WDFY3: variants seen among roughly 807,000 people sequenced by gnomAD.
WDFY3 encodes the protein WD repeat and FYVE domain containing 3.
In WDFY3, 66 loss-of-function variants were observed where a neutral mutation model predicts 409.6. That is an observed-to-expected ratio of 0.16 (90% CI 0.13 to 0.20). WDFY3 has a LOEUF of 0.20. WDFY3 is among the 10% of genes least tolerant of loss of function. WDFY3 has a pLI of 1.00. For synonymous variants in WDFY3, 1,521 were observed against 1,537.1 expected (o/e 0.99, Z 0.25); for missense variants, 3,031 against 4,298.1 (o/e 0.71, Z 8.24).
chr4:84,941,697 A>G (rs1253950487), intron 1 of WDFY3, among the ~76,000 whole-genome samples: 2 of 152,050 alleles, frequency 1.3e-5, no homozygotes, highest in Admixed American at 1.3e-4. Flanking sequence ...AATTTACACA[A>G]AAAAGAAATC....
At chr4:84,822,195 A>G (rs571637046) in intron 10 of WDFY3, among the ~76,000 whole-genome samples, 53 of 152,328 alleles carry the variant, frequency 3.5e-4, no homozygotes, top group African/African-American at 1.3e-3. Flanking sequence ...CAAATTAGTG[A>G]CAATAATTAT....
intron 2 of WDFY3, among the ~76,000 whole-genome samples, chr4:84,908,920 C>A (rs190430417): frequency 1.3e-5 from 2 of 152,012 alleles, no homozygotes; most frequent in Non-Finnish European, 2.9e-5. Flanking sequence ...AACATCTATT[C>A]CTAGCACTAA....
At position 84,775,149 on chromosome 4, in the gene WDFY3, T is replaced by C. The variant is rs533081069; in HGVS notation, c.4519-11A>G. On this transcript the variant is annotated splice_polypyrimidine_tract_variant and intron_variant, in intron 27 of 67. Coordinates refer to ENST00000295888, the MANE Select transcript of WDFY3 (RefSeq NM_014991.6). Reference sequence around the variant, plus strand: ...TGCATGGAGCCAGACCTATAATAAATAAAAACAGTAGTATATTTAAGGTTA... The same window carrying C: ...TGCATGGAGCCAGACCTATAATAAACAAAAACAGTAGTATATTTAAGGTTA... The C allele has an allele frequency of 1.5e-5, 24 of 1,609,682 alleles. No individual in the cohort carries two copies. The South Asian group carries it at 1.9e-4, about 13-fold the overall frequency.
intron 19 of WDFY3, among the ~76,000 whole-genome samples, chr4:84,796,143 G>A (rs1275953720): frequency 1.3e-5 from 2 of 151,490 alleles, no homozygotes; most frequent in Non-Finnish European, 2.9e-5. Context: ...GAACCAGGCA[G>A]TCTCCATCAT....
chr4:84,913,674 C>T (rs1768077907), intron 2 of WDFY3, among the ~76,000 whole-genome samples: 2 of 151,552 alleles, frequency 1.3e-5, no homozygotes, highest in Admixed American at 6.6e-5. Flanking sequence ...ATGACATGGA[C>T]TCTTCTATGA....
intron 2 of WDFY3, among the ~76,000 whole-genome samples, chr4:84,924,657 T>TAA (rs1769737263): frequency 6.6e-6 from 1 of 152,198 alleles, no homozygotes; most frequent in African/African-American, 2.4e-5. Context: ...GTCTGCCTTA[T>TAA]ACTCAATCCT....
chr4:84,766,399 C>T (rs1041488513), intron 30 of WDFY3, 27 bp from the exon 31 acceptor site: 1 of 1,568,534 alleles, frequency 6.4e-7, no homozygotes, highest in Non-Finnish European at 8.6e-7. Flanking sequence ...TACATTAAAT[C>T]TCCCTAGTAG....
chr4:84,962,963 C>T (rs1026177945), intron 1 of WDFY3, among the ~76,000 whole-genome samples: 16 of 151,858 alleles, frequency 1.1e-4, no homozygotes, highest in African/African-American at 3.9e-4. Context: ...TGTGAGCCAC[C>T]ATGCCCGGTC....
intron 14 of WDFY3, 28 bp from the exon 15 acceptor site, chr4:84,808,445 T>C (rs774462929): frequency 6.2e-7 from 1 of 1,604,250 alleles, no homozygotes; most frequent in Admixed American, 1.7e-5. Flanking sequence ...GACAGGGTGG[T>C]TTAGAGAGGT....
At chr4:84,918,587 T>A (rs942519619) in intron 2 of WDFY3, among the ~76,000 whole-genome samples, 9 of 152,082 alleles carry the variant, frequency 5.9e-5, no homozygotes, top group Admixed American at 5.9e-4. Flanking sequence ...TTGTTTTTAG[T>A]GATATACGTG....
rs554280414 is a variant in WDFY3 at position 84,812,648 on chromosome 4, G to T, written c.1888-2304C>A. ...AGTATTATTTTATAGATGAGGAGGGGTGAGTTCAAAGTTAAAGTAACATGT... is the reference window on the plus strand; with the variant it reads ...AGTATTATTTTATAGATGAGGAGGGTTGAGTTCAAAGTTAAAGTAACATGT... On this transcript the variant is annotated intron_variant, in intron 13 of 67. Transcript: ENST00000295888. 4.6e-5 allele frequency among the ~76,000 whole-genome samples: 7 copies of T among 152,266 alleles called. No homozygotes were observed. The East Asian group carries it at 1.4e-3, about 29-fold the overall frequency.
intron 23 of WDFY3, 54 bp from the exon 24 acceptor site, chr4:84,786,193 T>G (rs1016866863): frequency 3.3e-6 from 5 of 1,506,236 alleles, no homozygotes; most frequent in Non-Finnish European, 4.4e-6. Context: ...CATCTTAAAG[T>G]AAGTTTTTTA....
Position 84,739,019 on chromosome 4 carries a change from T to G in WDFY3, c.6565A>C (p.Ile2189Leu), listed in dbSNP as rs1366500526. 1.9e-6 allele frequency: 3 copies of G among 1,613,954 alleles called. No homozygotes were observed. The highest frequency in any genetic ancestry group is 2.5e-6 in the Non-Finnish European group (3 of 1,179,918). The change falls in exon 40 of 68, where the codon ATT (isoleucine) becomes CTT (leucine). Residue 2189 changes from isoleucine (I) to leucine (L), a missense_variant. By Grantham distance (5) the Ile-to-Leu change is conservative. Coordinates refer to ENST00000295888, the MANE Select transcript of WDFY3 (RefSeq NM_014991.6). Reference sequence around the variant, plus strand: ...AAGTCAAGGCAATTACCTTCACTAATATCTTGGCTGTAACTACCATCTGGT... The same window carrying G: ...AAGTCAAGGCAATTACCTTCACTAAGATCTTGGCTGTAACTACCATCTGGT... ...IEPDGSYSQD[I>L]SEGRQLLIKA...
chr4:84,866,780 T>C (rs1761457840), intron 3 of WDFY3, among the ~76,000 whole-genome samples: 1 of 152,242 alleles, frequency 6.6e-6, no homozygotes, highest in Admixed American at 6.5e-5. Context: ...CCTTCGTTAC[T>C]TGTGCTTCAT....
chr4:84,888,289 C>T (rs2150478830), intron 3 of WDFY3, among the ~76,000 whole-genome samples: 1 of 152,228 alleles, frequency 6.6e-6, no homozygotes, highest in East Asian at 1.9e-4. Flanking sequence ...CCTGTAATCC[C>T]AGCACTTTGG....
chr4:84,877,639 C>T (rs533360445), intron 3 of WDFY3, among the ~76,000 whole-genome samples: 17 of 152,152 alleles, frequency 1.1e-4, no homozygotes, highest in Non-Finnish European at 1.5e-4. Context: ...GATGCCTCAC[C>T]GTCTTGGTTC....
intron 36 of WDFY3, among the ~76,000 whole-genome samples, chr4:84,747,862 A>G (rs1455159946): frequency 6.6e-6 from 1 of 151,646 alleles, no homozygotes; most frequent in East Asian, 1.9e-4. Context: ...AGTCAATTAA[A>G]CCTCTTTCCT....
intron 25 of WDFY3, among the ~76,000 whole-genome samples, chr4:84,781,392 GTTT>G: frequency 7.9e-6 from 1 of 126,962 alleles, no homozygotes; most frequent in African/African-American, 2.8e-5. Flanking sequence ...TTTCCCTTTT[GTTT>G]TTTTTTTTTT....
At chr4:84,954,397 CCTAATA>C (rs1241886340) in intron 1 of WDFY3, among the ~76,000 whole-genome samples, 2 of 152,074 alleles carry the variant, frequency 1.3e-5, no homozygotes, top group Non-Finnish European at 2.9e-5. Flanking sequence ...ATCTAAATCA[CCTAATA>C]CTGTGTTTTA....
Sources: gnomAD v4.1 joint callset for allele counts (sites outside exome capture counted in the v4.1 genomes callset) on GRCh38, gnomAD v4.1.1 for gene constraint, MANE v1.5 for transcripts, NCBI Gene and HGNC (gene_info 2026-07-23, HGNC 2026-07-21) for gene names.